Variants in SAMTOR observed in about 807,000 individuals in gnomAD.
SAMTOR encodes the protein S-adenosylmethionine sensor upstream of mTORC1.
the SAMTOR span, among the ~76,000 whole-genome samples, chr7:112,912,093 C>A: frequency 2.6e-5 from 4 of 151,620 alleles, no homozygotes; most frequent in East Asian, 7.7e-4. Context: ...AACTTATGAA[C>A]TAAGTATTTT....
the SAMTOR span, among the ~76,000 whole-genome samples, chr7:112,825,196 A>G: frequency 6.9e-6 from 1 of 144,420 alleles, no homozygotes; most frequent in Non-Finnish European, 1.5e-5. Flanking sequence ...TAATTTTTCT[A>G]TTTTTTTTTT....
At chr7:112,886,924 T>C in the SAMTOR span, among the ~76,000 whole-genome samples, 3 of 152,152 alleles carry the variant, frequency 2.0e-5, no homozygotes, top group East Asian at 3.9e-4. Context: ...CCCAGCACTT[T>C]GGAGGCCGAG....
chr7:112,939,167 C>G, the SAMTOR span: 3 of 180,870 alleles, frequency 1.7e-5, no homozygotes, highest in African/African-American at 4.8e-5. Context: ...GTAGGTCAAG[C>G]GTAAAGGAGG....
chr7:112,858,905 C>T, the SAMTOR span, among the ~76,000 whole-genome samples: 1 of 152,138 alleles, frequency 6.6e-6, no homozygotes. Flanking sequence ...ATGCATCAAC[C>T]TGACTAGGCC....
At chr7:112,866,523 GAA>G in the SAMTOR span, among the ~76,000 whole-genome samples, 2 of 152,178 alleles carry the variant, frequency 1.3e-5, no homozygotes, top group African/African-American at 4.8e-5. Context: ...CAGGGAGAGT[GAA>G]AAAGAGCCAG....
At chr7:112,935,044 G>C in the SAMTOR span, 2 of 239,898 alleles carry the variant, frequency 8.3e-6, no homozygotes, top group Non-Finnish European at 8.4e-6. Context: ...AACTCTCCTA[G>C]TGCAAACTTA....
the SAMTOR span, among the ~76,000 whole-genome samples, chr7:112,919,088 C>T: frequency 6.6e-6 from 1 of 152,132 alleles, no homozygotes; most frequent in African/African-American, 2.4e-5. Context: ...CAGCTCTGCA[C>T]CAAGTGGACC....
the SAMTOR span, among the ~76,000 whole-genome samples, chr7:112,861,758 T>C: frequency 6.6e-6 from 1 of 152,176 alleles, no homozygotes; most frequent in African/African-American, 2.4e-5. Context: ...AGGAACTAAA[T>C]AGTACAGCCA....
the SAMTOR span, chr7:112,895,733 G>A: frequency 1.3e-6 from 2 of 1,530,338 alleles, no homozygotes; most frequent in Non-Finnish European, 8.9e-7. Context: ...AATATTCTCT[G>A]CATACACTAC....
chr7:112,843,851 T>G, the SAMTOR span, among the ~76,000 whole-genome samples: 4 of 151,966 alleles, frequency 2.6e-5, no homozygotes, highest in East Asian at 7.7e-4. Flanking sequence ...AGAAATATCC[T>G]TGATGAACAC....
At chr7:112,863,217 T>A in the SAMTOR span, among the ~76,000 whole-genome samples, 1 of 152,204 alleles carries the variant, frequency 6.6e-6, no homozygotes, top group African/African-American at 2.4e-5. Flanking sequence ...GGTGCCAGGA[T>A]AACTGGTTAG....
At chr7:112,865,475 G>A in the SAMTOR span, among the ~76,000 whole-genome samples, 14 of 151,866 alleles carry the variant, frequency 9.2e-5, no homozygotes, top group African/African-American at 3.1e-4. Flanking sequence ...ACAGGGTTTC[G>A]CCATGTTGGC....
At chr7:112,851,723 G>A in the SAMTOR span, among the ~76,000 whole-genome samples, 3 of 151,934 alleles carry the variant, frequency 2.0e-5, no homozygotes, top group African/African-American at 7.3e-5. Context: ...CACAACCTAC[G>A]GAATGGGAGA....
the SAMTOR span, among the ~76,000 whole-genome samples, chr7:112,861,823 T>TC: frequency 2.6e-5 from 4 of 152,228 alleles, no homozygotes; most frequent in Non-Finnish European, 5.9e-5. Context: ...AAAAACCTTT[T>TC]CCCGAATAGT....
the SAMTOR span, among the ~76,000 whole-genome samples, chr7:112,881,492 C>A: frequency 8.5e-5 from 13 of 152,190 alleles, no homozygotes; most frequent in African/African-American, 3.1e-4. Context: ...CATAAAAACC[C>A]TTGACTCAGC....
At chr7:112,888,643 T>C in the SAMTOR span, among the ~76,000 whole-genome samples, 1 of 152,172 alleles carries the variant, frequency 6.6e-6, no homozygotes, top group Admixed American at 6.5e-5. Flanking sequence ...CAAAAAAGTA[T>C]ATCTTTACTA....
the SAMTOR span, among the ~76,000 whole-genome samples, chr7:112,863,056 C>T: frequency 6.6e-6 from 1 of 152,090 alleles, no homozygotes; most frequent in African/African-American, 2.4e-5. Flanking sequence ...GTATCCAAAA[C>T]AGCATGGCAC....
At chr7:112,881,485 A>G in the SAMTOR span, among the ~76,000 whole-genome samples, 1 of 152,144 alleles carries the variant, frequency 6.6e-6, no homozygotes, top group Non-Finnish European at 1.5e-5. Context: ...CTGAGTCCAT[A>G]AAAACCCTTG....
chr7:112,927,536 C>G, the SAMTOR span, among the ~76,000 whole-genome samples: 3 of 151,790 alleles, frequency 2.0e-5, no homozygotes, highest in Admixed American at 6.6e-5. Context: ...CATTTTCTTA[C>G]CAATTTCTTA....
Sources: gnomAD v4.1 joint callset for allele counts (sites outside exome capture counted in the v4.1 genomes callset) on GRCh38, gnomAD v4.1.1 for gene constraint, MANE v1.5 for transcripts, NCBI Gene and HGNC (gene_info 2026-07-23, HGNC 2026-07-21) for gene names.